Variants in SLC39A11 observed in about 807,000 individuals in gnomAD.
SLC39A11 encodes the protein zinc transporter ZIP11.
A neutral mutation model predicts 36.1 loss-of-function variants in SLC39A11; 33 were observed. The ratio of observed to expected loss-of-function variants is 0.91; its 90% CI spans 0.69 to 1.22. SLC39A11 has a LOEUF of 1.22. SLC39A11 is among the 50% of genes most tolerant of loss of function. SLC39A11 has a pLI of 0.00. For missense variants in SLC39A11, 432 were observed against 430.3 expected, an observed-to-expected ratio of 1.00 and a Z score of -0.03; for synonymous variants, 166 against 170.3, an observed-to-expected ratio of 0.97 and a Z score of 0.20.
rs1598357741 is a variant in SLC39A11 at position 72,691,774 on chromosome 17, T to TAGAG, written c.672-42507_672-42506insCTCT. Among the ~76,000 whole-genome samples the TAGAG allele has an allele frequency of 2.4e-4, 37 of 152,226 alleles. No homozygotes were observed. In the East Asian group the frequency reaches 7.1e-3, roughly 29 times the overall value. On this transcript the variant is annotated intron_variant, in intron 7 of 9. Coordinates refer to ENST00000255559, the MANE Select transcript of SLC39A11 (RefSeq NM_139177.4). ...GACTTTCATTTGGGAATGTTTTCTC[T>TAGAG]AAAACATTCCCAGAACCTTGCAAAC...
chr17:73,027,105 G>C (rs1382771277), intron 4 of SLC39A11, among the ~76,000 whole-genome samples: 1 of 152,186 alleles, frequency 6.6e-6, no homozygotes, highest in Non-Finnish European at 1.5e-5. Context: ...CTGGGCAACA[G>C]AGCAAGACCC....
At chr17:72,862,418 C>T (rs2080086450) in intron 5 of SLC39A11, among the ~76,000 whole-genome samples, 2 of 152,110 alleles carry the variant, frequency 1.3e-5, no homozygotes, top group Non-Finnish European at 2.9e-5. Flanking sequence ...AGGAGGCTGC[C>T]CTGATGTTCA....
chr17:73,007,040 C>A (rs1364938728), intron 4 of SLC39A11, among the ~76,000 whole-genome samples: 3 of 152,200 alleles, frequency 2.0e-5, no homozygotes, highest in Non-Finnish European at 4.4e-5. Context: ...GACGCCACTG[C>A]CCAAGGAGCC....
At chr17:72,826,031 A>G (rs1195422194) in intron 6 of SLC39A11, among the ~76,000 whole-genome samples, 2 of 152,202 alleles carry the variant, frequency 1.3e-5, no homozygotes, top group Non-Finnish European at 1.5e-5. Context: ...TGAGAAGGAC[A>G]TGAGATTTGG....
chr17:72,953,192 A>G (rs1028436899), intron 4 of SLC39A11, among the ~76,000 whole-genome samples: 2 of 152,050 alleles, frequency 1.3e-5, no homozygotes, highest in African/African-American at 4.8e-5. Context: ...TTAGAATGGA[A>G]TTATTATCAT....
chr17:72,730,719 G>A (rs1217408748), intron 7 of SLC39A11, among the ~76,000 whole-genome samples: 1 of 152,104 alleles, frequency 6.6e-6, no homozygotes, highest in Non-Finnish European at 1.5e-5. Flanking sequence ...CAGCACAGTG[G>A]TGCAATCACA....
At chr17:72,752,281 G>A (rs2075183310) in intron 6 of SLC39A11, among the ~76,000 whole-genome samples, 1 of 152,148 alleles carries the variant, frequency 6.6e-6, no homozygotes. Flanking sequence ...GTCTCGCTCT[G>A]TCACCCGGGC....
chr17:72,953,930 C>T (rs1405739406), intron 4 of SLC39A11, among the ~76,000 whole-genome samples: 2 of 152,230 alleles, frequency 1.3e-5, no homozygotes, highest in African/African-American at 2.4e-5. Flanking sequence ...TTCTATCGCA[C>T]GGATTCAGGA....
chr17:73,028,964 A>T (rs1033395017), intron 4 of SLC39A11, among the ~76,000 whole-genome samples: 1 of 152,126 alleles, frequency 6.6e-6, no homozygotes, highest in East Asian at 1.9e-4. Flanking sequence ...CTAAAAATAC[A>T]AAAATTAGCC....
At position 72,777,331 on chromosome 17, in the gene SLC39A11, G is replaced by A. The variant is rs548139096; in HGVS notation, c.602-40612C>T. Among the ~76,000 whole-genome samples, 5 of 152,222 alleles carry A rather than the reference G, an allele frequency of 3.3e-5. No homozygotes were observed. The South Asian group carries it at 1.0e-3, about 32-fold the overall frequency. ...TCTCAGAAAATTGTAAATCATGCCA[G>A]GGAATAGTATACTGGGTTGACCAGT... On this transcript the variant is annotated intron_variant, in intron 6 of 9. Coordinates refer to ENST00000255559, the MANE Select transcript of SLC39A11 (RefSeq NM_139177.4).
At chr17:72,844,060 T>C (rs1345565718) in intron 6 of SLC39A11, among the ~76,000 whole-genome samples, 18 of 152,150 alleles carry the variant, frequency 1.2e-4, no homozygotes, top group Admixed American at 1.1e-3. Context: ...CATTTAGTCA[T>C]TGTGAAAAGT....
At chr17:72,998,874 G>A (rs1306144541) in intron 4 of SLC39A11, among the ~76,000 whole-genome samples, 5 of 152,226 alleles carry the variant, frequency 3.3e-5, no homozygotes, top group Non-Finnish European at 5.9e-5. Context: ...AGATGGCGGC[G>A]TTTTCCGCAG....
intron 5 of SLC39A11, among the ~76,000 whole-genome samples, chr17:72,870,045 T>G (rs1738696837): frequency 6.6e-6 from 1 of 152,160 alleles, no homozygotes; most frequent in Admixed American, 6.5e-5. Context: ...TTTTTTTTGT[T>G]TAGCATAACC....
chr17:72,940,273 C>G (rs946648526), intron 5 of SLC39A11, among the ~76,000 whole-genome samples: 1 of 112,038 alleles, frequency 8.9e-6, no homozygotes, highest in Non-Finnish European at 1.9e-5. Context: ...TTAGAGCCAT[C>G]TGACTTTTTT....
In SLC39A11 at chr17:72,816,304, T is replaced by C. The variant is rs140471339; in HGVS notation, c.601+33330A>G. 5.6e-3 allele frequency among the ~76,000 whole-genome samples: 847 copies of C among 152,316 alleles called. 6 individuals are homozygous for C. The highest frequency in any genetic ancestry group is 0.019 in the African/African-American group (805 of 41,568). ...GAACTTCCAGACACAGCTTTGATCATTGGTGAATCAGAGAGTTCTGTTGTT... is the reference window on the plus strand; with the variant it reads ...GAACTTCCAGACACAGCTTTGATCACTGGTGAATCAGAGAGTTCTGTTGTT... On this transcript the variant is annotated intron_variant, in intron 6 of 9. Transcript: ENST00000255559.
At chr17:72,963,165 C>CTTTT (rs372520235) in intron 4 of SLC39A11, among the ~76,000 whole-genome samples, 1 of 89,090 alleles carries the variant, frequency 1.1e-5, no homozygotes, top group African/African-American at 3.8e-5. Flanking sequence ...TCTTTTTTTC[C>CTTTT]TTTCTTTTTT....
chr17:72,955,807 CA>C (rs1278025822), intron 4 of SLC39A11, among the ~76,000 whole-genome samples: 1 of 152,038 alleles, frequency 6.6e-6, no homozygotes, highest in East Asian at 1.9e-4. Flanking sequence ...AGGGTAACCA[CA>C]AGTGGTTAGG....
intron 6 of SLC39A11, among the ~76,000 whole-genome samples, chr17:72,747,745 C>G (rs2074998922): frequency 6.6e-6 from 1 of 152,160 alleles, no homozygotes; most frequent in South Asian, 2.1e-4. Context: ...TTGCAAAGGT[C>G]TAGCAGGAAG....
chr17:72,898,942 G>C (rs2082171286), intron 5 of SLC39A11, among the ~76,000 whole-genome samples: 1 of 152,156 alleles, frequency 6.6e-6, no homozygotes, highest in Admixed American at 6.5e-5. Context: ...CGGGGACTAT[G>C]CAAGACTCAG....
Sources: gnomAD v4.1 joint callset for allele counts (sites outside exome capture counted in the v4.1 genomes callset) on GRCh38, gnomAD v4.1.1 for gene constraint, MANE v1.5 for transcripts, NCBI Gene and HGNC (gene_info 2026-07-23, HGNC 2026-07-21) for gene names.